The following RBFOX1 variants were observed in gnomAD, a reference collection of about 807,000 sequenced individuals.
The protein encoded by RBFOX1 is RNA binding protein fox-1 homolog 1.
RBFOX1 carries 8 observed loss-of-function variants against 57.7 expected under a neutral mutation model. The ratio of observed to expected loss-of-function variants is 0.14; its 90% confidence interval spans 0.08 to 0.25. RBFOX1 has a LOEUF of 0.25. Among genes scored for constraint, RBFOX1 ranks in the 10% least tolerant of loss-of-function variants. The pLI, the probability that RBFOX1 is intolerant of heterozygous loss-of-function variation, is 1.00. For missense variants in RBFOX1, 611 were observed against 548.5 expected (o/e 1.11, Z -1.14); for synonymous variants, 326 against 222.4 (o/e 1.47, Z -4.15).
intron 3 of RBFOX1, among the ~76,000 whole-genome samples, chr16:6,926,749 T>G (rs1378098982): frequency 6.6e-6 from 1 of 152,210 alleles, no homozygotes; most frequent in East Asian, 1.9e-4. Context: ...GCACACTTCT[T>G]GGAGACTGAA....
chr16:7,153,588 G>C (rs2076500672), intron 4 of RBFOX1, among the ~76,000 whole-genome samples: 1 of 151,264 alleles, frequency 6.6e-6, no homozygotes, highest in Non-Finnish European at 1.5e-5. Context: ...ACAAAAATTA[G>C]CCAGGCATGG....
At chr16:6,276,524 G>C (rs547404210) in intron 1 of RBFOX1, among the ~76,000 whole-genome samples, 16 of 152,246 alleles carry the variant, frequency 1.1e-4, no homozygotes, top group African/African-American at 2.9e-4. Flanking sequence ...GTATTTTTTA[G>C]TAGAAATGGG....
At chr16:6,568,045 C>A (rs1043900837) in intron 2 of RBFOX1, among the ~76,000 whole-genome samples, 2 of 152,160 alleles carry the variant, frequency 1.3e-5, no homozygotes, top group African/African-American at 4.8e-5. Context: ...TGGCCTTGAA[C>A]TTCTGGCCTG....
chr16:5,593,453 C>T (rs751169360), intron 2 of RBFOX1, among the ~76,000 whole-genome samples: 3 of 152,090 alleles, frequency 2.0e-5, no homozygotes, highest in Non-Finnish European at 4.4e-5. Context: ...AACAAACCTG[C>T]ACTTTCTGCA....
chr16:6,771,892 C>T (rs550230930), intron 3 of RBFOX1, among the ~76,000 whole-genome samples: 2 of 152,190 alleles, frequency 1.3e-5, no homozygotes, highest in East Asian at 3.9e-4. Flanking sequence ...CCCATTAGAC[C>T]TTTGGTGTTC....
chr16:7,410,847 G>GTA, intron 4 of RBFOX1, among the ~76,000 whole-genome samples: 1 of 151,080 alleles, frequency 6.6e-6, no homozygotes, highest in East Asian at 1.9e-4. Context: ...GTGTGTGTGT[G>GTA]TGTGTGTGTG....
chr16:7,005,353 T>C (rs1213315571), intron 3 of RBFOX1, among the ~76,000 whole-genome samples: 1 of 152,120 alleles, frequency 6.6e-6, no homozygotes, highest in African/African-American at 2.4e-5. Flanking sequence ...GGAGAAAGAC[T>C]AAGTTGACTT....
At chr16:6,272,229 A>G (rs1350633874) in intron 1 of RBFOX1, among the ~76,000 whole-genome samples, 2 of 152,202 alleles carry the variant, frequency 1.3e-5, no homozygotes, top group Non-Finnish European at 2.9e-5. Flanking sequence ...GTAGAAACAT[A>G]CTTGATAAAA....
chr16:7,518,789 G>A (rs188194159), intron 5 of RBFOX1, among the ~76,000 whole-genome samples: 6 of 152,272 alleles, frequency 3.9e-5, no homozygotes, highest in East Asian at 3.9e-4. Flanking sequence ...TTGGGAGGCC[G>A]AGATGGGAGA....
At chr16:6,848,194 ATACAGCAAG>A (rs1172199126) in intron 3 of RBFOX1, among the ~76,000 whole-genome samples, 6 of 151,924 alleles carry the variant, frequency 3.9e-5, no homozygotes, top group Non-Finnish European at 8.8e-5. Flanking sequence ...TTGTGGGGTG[ATACAGCAAG>A]TGGCGACACC....
At chr16:5,366,178 A>G in intron 1 of RBFOX1, 1 of 423,656 alleles carries the variant, frequency 2.4e-6, no homozygotes, top group South Asian at 1.9e-5. Context: ...GAAGACGAAG[A>G]CAAAGATATG....
chr16:6,642,602 A>C (rs563470970), intron 2 of RBFOX1, among the ~76,000 whole-genome samples: 1 of 152,248 alleles, frequency 6.6e-6, no homozygotes, highest in East Asian at 1.9e-4. Flanking sequence ...ACTCCAAAAA[A>C]AAAGTAAGGT....
At chr16:5,412,408 T>C (rs779598798) in intron 1 of RBFOX1, among the ~76,000 whole-genome samples, 5 of 152,224 alleles carry the variant, frequency 3.3e-5, no homozygotes, top group East Asian at 1.9e-4. Flanking sequence ...TATTCTGATA[T>C]GATTATGGGC....
chr16:6,263,430 A>G lies in RBFOX1; in HGVS notation c.-126-53565A>G, dbSNP rs987189011. Among the ~76,000 whole-genome samples the G allele has an allele frequency of 6.6e-5, 10 of 152,268 alleles. 1 individual carries two copies. Among genetic ancestry groups the G allele is most frequent in the African/African-American group, 2.2e-4 (9 of 41,566 alleles). On this transcript the variant is annotated intron_variant, in intron 1 of 15. Coordinates refer to ENST00000550418, the MANE Select transcript of RBFOX1 (RefSeq NM_018723.4). ...ATAAACACATTCAATTGGTTGGGGG[A>G]AAAAAGTAAACTTATTTGGAGGTAC...
At chr16:6,765,489 T>G (rs762346516) in intron 3 of RBFOX1, among the ~76,000 whole-genome samples, 3 of 152,080 alleles carry the variant, frequency 2.0e-5, no homozygotes, top group Non-Finnish European at 4.4e-5. Context: ...CTCAAGTTTA[T>G]ATAACAAACC....
chr16:7,270,532 T>G (rs1352693236), intron 4 of RBFOX1, among the ~76,000 whole-genome samples: 1 of 152,200 alleles, frequency 6.6e-6, no homozygotes, highest in Non-Finnish European at 1.5e-5. Context: ...TTTCAGACCT[T>G]CTTGCAATGC....
chr16:6,515,844 G>A (rs2096366260), intron 2 of RBFOX1, among the ~76,000 whole-genome samples: 1 of 151,934 alleles, frequency 6.6e-6, no homozygotes, highest in Non-Finnish European at 1.5e-5. Flanking sequence ...TGGCCTCTTG[G>A]GTGAATTTCA....
At chr16:6,551,722 C>T (rs762118057) in intron 2 of RBFOX1, among the ~76,000 whole-genome samples, 8 of 152,064 alleles carry the variant, frequency 5.3e-5, no homozygotes, top group Non-Finnish European at 1.0e-4. Flanking sequence ...ATAATGTATC[C>T]ATGTCTGATG....
intron 2 of RBFOX1, among the ~76,000 whole-genome samples, chr16:6,534,828 G>A (rs1173756118): frequency 2.0e-5 from 3 of 152,100 alleles, no homozygotes; most frequent in African/African-American, 7.2e-5. Context: ...CCATGGAACT[G>A]TATACTTAAG....
Sources: allele counts gnomAD v4.1 joint callset (sites outside exome capture counted in the v4.1 genomes callset), GRCh38; gene constraint gnomAD v4.1.1; transcripts MANE v1.5; gene names NCBI Gene and HGNC (gene_info 2026-07-23, HGNC 2026-07-21).